Variants in CTTN observed in about 807,000 individuals in gnomAD.
The protein encoded by CTTN is cortactin.
CTTN carries 28 observed loss-of-function variants against 84.0 expected under a neutral mutation model. The observed-to-expected ratio is 0.33, with a 90% CI of 0.25 to 0.46. CTTN has a LOEUF of 0.46. Among genes scored for constraint, CTTN ranks in the 20% least tolerant of loss-of-function variants. The pLI, the probability that CTTN is intolerant of heterozygous loss-of-function variation, is 1.00. For synonymous variants in CTTN, 301 were observed against 288.8 expected, an observed-to-expected ratio of 1.04 and a Z score of -0.43; for missense variants, 641 against 723.8, an observed-to-expected ratio of 0.89 and a Z score of 1.31.
At chr11:70,417,738 G>A (rs191700746) in intron 8 of CTTN, among the ~76,000 whole-genome samples, 533 of 152,058 alleles carry the variant, frequency 3.5e-3, no homozygotes, top group Non-Finnish European at 6.2e-3. Flanking sequence ...TCAGGTGATC[G>A]CCCTGCCTTG....
chr11:70,418,109 T>C (rs2058184682), intron 8 of CTTN, among the ~76,000 whole-genome samples: 1 of 148,326 alleles, frequency 6.7e-6, no homozygotes, highest in Non-Finnish European at 1.5e-5. Context: ...AGAGCTTGAC[T>C]ATTTAAAAAC....
At chr11:70,422,130 T>TCATCAAACAGAGCCACACA in intron 11 of CTTN, 1 of 273,448 alleles carries the variant, frequency 3.7e-6, no homozygotes, top group Non-Finnish European at 7.3e-6. Flanking sequence ...ACCATATGTG[T>TCATCAAACAGAGCCACACA]GTAACATCTC....
chr11:70,430,034 G>A (rs774533147), intron 14 of CTTN, among the ~76,000 whole-genome samples: 1 of 152,198 alleles, frequency 6.6e-6, no homozygotes, highest in Non-Finnish European at 1.5e-5. Flanking sequence ...ATCAGGTGAC[G>A]TGGGAATTTA....
chr11:70,398,765 C>T (rs2135538526), intron 1 of CTTN, among the ~76,000 whole-genome samples, 151 bp downstream of exon 1: 1 of 148,838 alleles, frequency 6.7e-6, no homozygotes, highest in East Asian at 2.1e-4. Context: ...GGCAGAGTGG[C>T]GAGGCTTTCC....
At chr11:70,434,107 C>T (rs1260536735) in intron 17 of CTTN, among the ~76,000 whole-genome samples, 1 of 152,226 alleles carries the variant, frequency 6.6e-6, no homozygotes, top group East Asian at 1.9e-4. Flanking sequence ...GCCTGTCCTG[C>T]CCCGGCCGCC....
chr11:70,431,367 G>T, intron 15 of CTTN, 87 bp downstream of exon 15: 3 of 1,408,666 alleles, frequency 2.1e-6, no homozygotes, highest in Non-Finnish European at 3.0e-6. Context: ...GCCCTTGCAG[G>T]CAGGCAGTGT....
At chr11:70,407,984 CT>C in intron 4 of CTTN, 5 of 183,784 alleles carry the variant, frequency 2.7e-5, no homozygotes, top group East Asian at 1.5e-4. Flanking sequence ...TGCCCTGTCC[CT>C]TTTTTTATTA....
chr11:70,434,179 A>G (rs1264812640), intron 17 of CTTN, among the ~76,000 whole-genome samples: 1 of 152,188 alleles, frequency 6.6e-6, no homozygotes, highest in African/African-American at 2.4e-5. Context: ...GTTTAAGAGC[A>G]GCCTCAGCTC....
At chr11:70,408,918 C>T (rs2058072074) in intron 4 of CTTN, among the ~76,000 whole-genome samples, 1 of 152,034 alleles carries the variant, frequency 6.6e-6, no homozygotes, top group Non-Finnish European at 1.5e-5. Flanking sequence ...CTCATCTCTT[C>T]TGTTCCCTGT....
At position 70,421,513 on chromosome 11, in the gene CTTN, GA is replaced by G; in HGVS notation, c.835del (p.Arg279GlyfsTer65). 1 of 1,614,168 alleles carries G rather than the reference GA, an allele frequency of 6.2e-7. No individual in the cohort carries two copies. The highest frequency in any genetic ancestry group is 8.5e-7 in the Non-Finnish European group (1 of 1,180,028). ...FGGKFGVQSE[R>X]QDSAAVGFDY... ...GAGGCAAATTCGGTGTTCAGTCGGAGAGGCAGGACTCCGCTGCTGTGGGGTT... is the reference window on the plus strand; with the variant it reads ...GAGGCAAATTCGGTGTTCAGTCGGAGGGCAGGACTCCGCTGCTGTGGGGTT... On this transcript the variant is annotated frameshift_variant, in exon 11 of 18. Transcript: ENST00000301843. LOFTEE classifies it high-confidence loss of function.
chr11:70,399,343 G>A (rs2057948725), intron 1 of CTTN, among the ~76,000 whole-genome samples: 1 of 151,624 alleles, frequency 6.6e-6, no homozygotes, highest in Admixed American at 6.6e-5. Flanking sequence ...TCCGAGGGGA[G>A]GGGATTGGGG....
At chr11:70,420,203 G>A in intron 9 of CTTN, 197 bp from the exon 10 acceptor site, 1 of 611,568 alleles carries the variant, frequency 1.6e-6, no homozygotes, top group Non-Finnish European at 2.9e-6. Flanking sequence ...CGATGCTGAG[G>A]TCATAGACTA....
intron 7 of CTTN, 29 bp downstream of exon 7, chr11:70,415,746 C>A: frequency 6.2e-7 from 1 of 1,612,412 alleles, no homozygotes; most frequent in Non-Finnish European, 8.5e-7. Context: ...AGAAAGAGCC[C>A]GCTCCGGGGG....
intron 12 of CTTN, 113 bp downstream of exon 12, chr11:70,423,108 C>G (rs199670982): frequency 7.7e-7 from 1 of 1,295,712 alleles, no homozygotes; most frequent in East Asian, 2.4e-5. Flanking sequence ...AAGTGATTTC[C>G]GTCGTGGTGG....
chr11:70,415,790 G>C, intron 7 of CTTN, 73 bp downstream of exon 7: 1 of 1,472,758 alleles, frequency 6.8e-7, no homozygotes, highest in Non-Finnish European at 9.5e-7. Context: ...ACCTGAAGCC[G>C]TTTCCCCGCG....
chr11:70,400,833 C>A (rs2057969930), intron 1 of CTTN, among the ~76,000 whole-genome samples: 1 of 152,196 alleles, frequency 6.6e-6, no homozygotes, highest in African/African-American at 2.4e-5. Context: ...GTGGCCCAGG[C>A]CCACCCCATC....
chr11:70,405,472 A>T (rs1389725692), intron 2 of CTTN, 111 bp downstream of exon 2: 1 of 152,196 alleles, frequency 6.6e-6, no homozygotes, highest in Non-Finnish European at 1.5e-5. Flanking sequence ...TTACTGGGAG[A>T]GAGATGATAA....
rs1465807698 is a variant in CTTN at position 70,424,547 on chromosome 11, C to T, written c.958-785C>T. Among the ~76,000 whole-genome samples, 3 of 152,026 alleles carry T rather than the reference C, an allele frequency of 2.0e-5. No individual in the cohort carries two copies. In the East Asian group the frequency reaches 5.8e-4, roughly 29 times the overall value. On this transcript the variant is annotated intron_variant, in intron 12 of 17. Transcript: ENST00000301843. The stretch of plus-strand genomic sequence containing the variant: ...CCAGGCTGGGAGGTGAAGTTGCCCC[C>T]TCAGGGCAAGGTGATGTCTGCAGAG...
chr11:70,421,021 G>A (rs1432692914), intron 10 of CTTN, among the ~76,000 whole-genome samples: 2 of 152,220 alleles, frequency 1.3e-5, no homozygotes, highest in African/African-American at 4.8e-5. Context: ...CCCTTCCCTG[G>A]AAAAAGGAGC....
Sources: allele counts gnomAD v4.1 joint callset (sites outside exome capture counted in the v4.1 genomes callset), GRCh38; gene constraint gnomAD v4.1.1; transcripts MANE v1.5; gene names NCBI Gene and HGNC (gene_info 2026-07-23, HGNC 2026-07-21).